MMP26: variants seen among roughly 807,000 people sequenced by gnomAD.
MMP26 encodes the protein matrix metallopeptidase 26.
MMP26 carries 33 observed loss-of-function variants against 31.0 expected under a neutral mutation model. The observed-to-expected ratio is 1.06, with a 90% CI of 0.81 to 1.42. MMP26 has a LOEUF of 1.42. Ranked by LOEUF, MMP26 falls within the 40% of genes most tolerant of loss-of-function variation. The pLI is 0.00. For synonymous variants in MMP26, 122 were observed against 114.9 expected, an observed-to-expected ratio of 1.06 and a Z score of -0.40; for missense variants, 347 against 316.1, an observed-to-expected ratio of 1.10 and a Z score of -0.74.
At chr11:4,986,940 T>TCTCC (rs1846905249) in intron 2 of MMP26, among the ~76,000 whole-genome samples, 5 of 117,972 alleles carry the variant, frequency 4.2e-5, no homozygotes, top group African/African-American at 1.7e-4. Context: ...TCCCTCTCTC[T>TCTCC]CTCTCTCTCT....
chr11:4,848,225 G>A (rs1849902841), intron 2 of MMP26: 1 of 1,586,124 alleles, frequency 6.3e-7, no homozygotes, highest in African/African-American at 1.3e-5. Flanking sequence ...CAAACACGGA[G>A]GGACATCCTA....
intron 2 of MMP26, among the ~76,000 whole-genome samples, chr11:4,975,277 A>C (rs1037793107): frequency 1.3e-5 from 2 of 152,018 alleles, no homozygotes; most frequent in African/African-American, 4.8e-5. Context: ...GCAATGTATA[A>C]ATTTTTATTA....
intron 2 of MMP26, among the ~76,000 whole-genome samples, chr11:4,983,943 G>A (rs909188407): frequency 6.6e-6 from 1 of 152,162 alleles, no homozygotes; most frequent in African/African-American, 2.4e-5. Context: ...AAACACTGTT[G>A]TGCTTTCAAC....
At chr11:4,912,021 CT>C (rs1440724692) in intron 2 of MMP26, among the ~76,000 whole-genome samples, 1 of 152,160 alleles carries the variant, frequency 6.6e-6, no homozygotes, top group African/African-American at 2.4e-5. Flanking sequence ...CCTCCTTCCC[CT>C]CAGGGTGGTT....
At chr11:4,955,481 G>T (rs1846427940) in intron 2 of MMP26, 1 of 1,295,728 alleles carries the variant, frequency 7.7e-7, no homozygotes, top group Non-Finnish European at 1.1e-6. Context: ...GGGCAGAGAT[G>T]ATAAAGACAA....
chr11:4,714,535 A>G (rs1847901220), intron 1 of MMP26, among the ~76,000 whole-genome samples: 1 of 152,124 alleles, frequency 6.6e-6, no homozygotes, highest in Admixed American at 6.5e-5. Flanking sequence ...TGGTCAGCAT[A>G]TTATATGCTT....
At chr11:4,803,123 C>A (rs10836677) in intron 2 of MMP26, among the ~76,000 whole-genome samples, 1 of 151,926 alleles carries the variant, frequency 6.6e-6, no homozygotes. Context: ...AACTTTTTTA[C>A]CTTAATCATC....
At chr11:4,790,066 GT>G (rs1462426546) in intron 2 of MMP26, among the ~76,000 whole-genome samples, 1 of 152,196 alleles carries the variant, frequency 6.6e-6, no homozygotes, top group East Asian at 1.9e-4. Flanking sequence ...ATTAGGCCAG[GT>G]ACGGTAGCTC....
chr11:4,963,794 T>C (rs542915890), intron 2 of MMP26, among the ~76,000 whole-genome samples: 5 of 152,306 alleles, frequency 3.3e-5, no homozygotes, highest in African/African-American at 9.6e-5. Context: ...TTTAATTTTT[T>C]AATTATAGCA....
At chr11:4,908,260 A>G (rs145385072) in intron 2 of MMP26, 28 of 1,614,108 alleles carry the variant, frequency 1.7e-5, no homozygotes, top group Non-Finnish European at 2.3e-5. Context: ...AGACTCGACA[A>G]ATCTGGGAGA....
chr11:4,924,207 G>T (rs1851234126), intron 2 of MMP26: 1 of 1,614,156 alleles, frequency 6.2e-7, no homozygotes, highest in Non-Finnish European at 8.5e-7. Context: ...AGAATGGTGA[G>T]GTTCCCCAAG....
chr11:4,848,669 C>T (rs893936542), intron 2 of MMP26: 1 of 1,613,908 alleles, frequency 6.2e-7, no homozygotes, highest in Admixed American at 1.7e-5. Flanking sequence ...GGGTTAGGAC[C>T]TGTGGGAGGC....
chr11:4,833,224 C>A (rs1018277941), intron 2 of MMP26, among the ~76,000 whole-genome samples: 15 of 152,128 alleles, frequency 9.9e-5, no homozygotes, highest in East Asian at 1.9e-4. Flanking sequence ...CCCTAAGGAG[C>A]ATCTAATATA....
chr11:4,838,105 C>G (rs1849743428), intron 2 of MMP26, among the ~76,000 whole-genome samples: 2 of 151,170 alleles, frequency 1.3e-5, no homozygotes, highest in East Asian at 2.0e-4. Context: ...ATCACGAGGT[C>G]AGGAGATCAA....
At chr11:4,910,539 G>C (rs572696214) in intron 2 of MMP26, among the ~76,000 whole-genome samples, 27 of 152,032 alleles carry the variant, frequency 1.8e-4, no homozygotes, top group Non-Finnish European at 3.1e-4. Context: ...GACATTGCTA[G>C]ATGTACTGTA....
chr11:4,866,648 A>T (rs981329942), intron 2 of MMP26, among the ~76,000 whole-genome samples: 1 of 152,210 alleles, frequency 6.6e-6, no homozygotes, highest in African/African-American at 2.4e-5. Context: ...CAAAAAGAGC[A>T]AAATTGGAGG....
At chr11:4,926,339 CAG>C (rs1347312748) in intron 2 of MMP26, among the ~76,000 whole-genome samples, 3 of 152,092 alleles carry the variant, frequency 2.0e-5, no homozygotes, top group Non-Finnish European at 2.9e-5. Flanking sequence ...AAAGGATTTG[CAG>C]AGTTTGCTGT....
At chr11:4,866,187 T>C (rs1024881826) in intron 2 of MMP26, among the ~76,000 whole-genome samples, 2 of 152,104 alleles carry the variant, frequency 1.3e-5, no homozygotes, top group African/African-American at 4.8e-5. Context: ...AAGTAATCAG[T>C]GGTTATACTT....
At chr11:4,706,921 A>T (rs1396913607) in intron 1 of MMP26, among the ~76,000 whole-genome samples, 1 of 152,186 alleles carries the variant, frequency 6.6e-6, no homozygotes, top group Non-Finnish European at 1.5e-5. Context: ...TACTGCTTTT[A>T]AGGTTGAATA....
Sources: allele counts gnomAD v4.1 joint callset (sites outside exome capture counted in the v4.1 genomes callset), GRCh38; gene constraint gnomAD v4.1.1; transcripts MANE v1.5; gene names NCBI Gene and HGNC (gene_info 2026-07-23, HGNC 2026-07-21).